Variants in ZNF317 observed in about 807,000 individuals in gnomAD.
ZNF317 encodes the protein KRAB-containing zinc finger protein 317.
In ZNF317, 17 loss-of-function variants were observed where a neutral mutation model predicts 23.4. The observed-to-expected ratio is 0.73, with a 90% CI of 0.50 to 1.09. ZNF317 has a LOEUF of 1.09. Ranked by LOEUF, ZNF317 falls within the 50% of genes least tolerant of loss-of-function variation. The pLI is 0.00. For missense variants in ZNF317, 679 were observed against 796.7 expected (o/e 0.85, Z 1.78); for synonymous variants, 317 against 314.9 (o/e 1.01, Z -0.07).
intron 2 of ZNF317, among the ~76,000 whole-genome samples, 157 bp downstream of exon 2, chr19:9,156,198 CTG>C (rs3029654): frequency 0.24 from 36,603 of 151,734 alleles, 4,860 homozygotes; most frequent in African/African-American, 0.37. Context: ...ACCCCAGTGA[CTG>C]TGTCTGCTGA....
intron 5 of ZNF317, 28 bp from the exon 6 acceptor site, chr19:9,158,798 C>T: frequency 6.8e-7 from 1 of 1,464,362 alleles, no homozygotes; most frequent in Non-Finnish European, 9.6e-7. Context: ...CCTTTTCCAA[C>T]AATTAATACT....
chr19:9,160,511 C>T lies in ZNF317; in HGVS notation c.866C>T (p.Thr289Ile), dbSNP rs1326357178. 1.2e-6 allele frequency: 2 copies of T among 1,614,066 alleles called. No individual in the cohort carries two copies. The highest frequency in any genetic ancestry group is 1.3e-5 in the African/African-American group (1 of 74,926). The change falls in exon 7 of 7, where the codon ACC becomes ATC. Residue 289 changes from threonine to isoleucine, a missense_variant. Coordinates refer to ENST00000247956, the MANE Select transcript of ZNF317 (RefSeq NM_020933.5). The surrounding 1 kb of genome is among the most constrained non-coding windows in gnomAD (Gnocchi z 6.8). Reference protein sequence around the residue: ...DCSQCGNAFRTLSALKIHMRV... With the variant: ...DCSQCGNAFRILSALKIHMRV... ...AGTCAGTGTGGAAATGCATTCCGGA[C>T]CCTCTCGGCCCTGAAAATCCACATG... is the stretch of plus-strand genomic sequence containing the variant.
At chr19:9,159,282 C>T (rs768615145) in intron 6 of ZNF317, among the ~76,000 whole-genome samples, 1 of 152,138 alleles carries the variant, frequency 6.6e-6, no homozygotes, top group Non-Finnish European at 1.5e-5. Context: ...CATCTTGGCT[C>T]ACTGCAACCT....
In ZNF317 at chr19:9,160,953, C is replaced by A; in HGVS notation, c.1308C>A (p.His436Gln). 1 of 1,614,226 alleles carries A rather than the reference C, an allele frequency of 6.2e-7. No individual in the cohort carries two copies. Among genetic ancestry groups the A allele is most frequent in the Non-Finnish European group, 8.5e-7 (1 of 1,180,040 alleles). Residue 436 changes from histidine (H) to glutamine (Q), a missense_variant, in exon 7 of 7, where the codon CAC (histidine) becomes CAA (glutamine). His to Gln is a conservative substitution (Grantham distance 24). Coordinates refer to ENST00000247956, the MANE Select transcript of ZNF317 (RefSeq NM_020933.5). This position sits in a 1 kb window ranked among gnomAD's most constrained non-coding sequence, Gnocchi z 6.8. ...TFRNQSILKTHMNSHTGEKPY... is the reference protein window; with the variant it reads ...TFRNQSILKTQMNSHTGEKPY... ...GAAACCAGTCCATCCTTAAGACTCA[C>A]ATGAACTCTCACACTGGAGAGAAAC...
rs1330588301 is a variant in ZNF317 at position 9,148,838 on chromosome 19, C to T, written c.-92-7087C>T. Among the ~76,000 whole-genome samples the T allele has an allele frequency of 3.3e-5, 5 of 152,120 alleles. No homozygotes were observed. In the East Asian group the frequency reaches 7.7e-4, roughly 23 times the overall value. ...TGTTCTGTGTCCTGTCCTACATTTC[C>T]CAGGATCCTTGGAGCTGGCAGGGGC... On this transcript the variant is annotated intron_variant, in intron 1 of 6. Coordinates refer to ENST00000247956, the MANE Select transcript of ZNF317 (RefSeq NM_020933.5).
intron 1 of ZNF317, among the ~76,000 whole-genome samples, chr19:9,150,034 C>G (rs117283901): frequency 6.6e-6 from 1 of 152,120 alleles, no homozygotes; most frequent in Non-Finnish European, 1.5e-5. Context: ...AAGGTGATGA[C>G]GAGCAAGGCT....
chr19:9,156,643 G>T lies in ZNF317; in HGVS notation c.57G>T (p.Gln19His), dbSNP rs3752199. The T allele has an allele frequency of 0.18, 291,426 of 1,613,908 alleles. 28,053 individuals are homozygous for T. Among genetic ancestry groups the T allele is most frequent in the Non-Finnish European group, 0.2 (230,106 of 1,179,940 alleles). Reference sequence around the variant, plus strand: ...CCACCCAGGATTCCACCTGTCTCCAGGACTCAGAATTTCCTGTTTCTTCAA... The same window carrying T: ...CCACCCAGGATTCCACCTGTCTCCATGACTCAGAATTTCCTGTTTCTTCAA... Reference protein sequence around the residue: ...ATSTQDSTCLQDSEFPVSSKD... With the variant: ...ATSTQDSTCLHDSEFPVSSKD... Residue 19 changes from glutamine (Q) to histidine (H), a missense_variant, in exon 3 of 7, where the codon CAG becomes CAT. By Grantham distance (24) the Gln-to-His change is conservative. Transcript: ENST00000247956.
Position 9,156,750 on chromosome 19 carries a change from T to G in ZNF317, c.162+2T>G. ...CACACACCCAGTGTTGGTTCCCAGG[T>G]GCACTAAGATCTCTGGGTCCCTAGA... On this transcript the variant is annotated splice_donor_variant, in intron 3 of 6. Coordinates refer to ENST00000247956, the MANE Select transcript of ZNF317 (RefSeq NM_020933.5). LOFTEE classifies it high-confidence loss of function. 2 of 1,613,366 alleles carry G rather than the reference T, an allele frequency of 1.2e-6. No individual in the cohort carries two copies. The highest frequency in any genetic ancestry group is 1.7e-6 in the Non-Finnish European group (2 of 1,179,658).
At position 9,161,431 on chromosome 19, in the gene ZNF317, T is replaced by G; in HGVS notation, c.1786T>G (p.Ter596GlyextTer5). ...GTCATCCGTGTGGAAAAGGCTCCAG[T>G]GAGCGCGCCTGCTTTAGAGACACAG... is the stretch of plus-strand genomic sequence containing the variant. ...FVSSVWKRLQ[*>G] The change falls in exon 7 of 7, where the codon TGA (stop) becomes GGA (glycine). Residue 596 changes from the stop codon to glycine (G), a stop_lost. Transcript: ENST00000247956. The surrounding 1 kb of genome is among the most constrained non-coding windows in gnomAD (Gnocchi z 4.0). 2 of 1,607,816 alleles carry G rather than the reference T, an allele frequency of 1.2e-6. No individual in the cohort carries two copies. Among genetic ancestry groups the G allele is most frequent in the Non-Finnish European group, 1.7e-6 (2 of 1,175,830 alleles).
chr19:9,158,167 G>A (rs2050806779), intron 5 of ZNF317, 92 bp downstream of exon 5: 1 of 1,408,892 alleles, frequency 7.1e-7, no homozygotes, highest in African/African-American at 1.4e-5. Flanking sequence ...TGTCACCCAG[G>A]GAAATTGAGA....
At position 9,140,444 on chromosome 19, in the gene ZNF317, A is replaced by G. The variant is rs770694770; in HGVS notation, c.-241A>G. ...TCTGGAGTCGATTGCCCCGAGACAC[A>G]TGGGCCAAGGAGGGGTCAGCGGCGA... On this transcript the variant is annotated 5_prime_UTR_variant, in exon 1 of 7. The change abolishes an upstream ATG in the 5' untranslated region. Coordinates refer to ENST00000247956, the MANE Select transcript of ZNF317 (RefSeq NM_020933.5). The G allele has an allele frequency of 4.6e-5, 21 of 452,642 alleles. No homozygotes were observed. The highest frequency in any genetic ancestry group is 1.4e-4 in the Admixed American group (6 of 41,788). 28.0% of individuals were successfully genotyped at this position (452,642 alleles called of 1,614,324 possible). A position where few individuals can be genotyped will look rare whatever the true frequency, so the allele number is the denominator to read the frequency against.
chr19:9,144,262 C>T (rs2145939218), intron 1 of ZNF317, among the ~76,000 whole-genome samples: 1 of 152,258 alleles, frequency 6.6e-6, no homozygotes, highest in South Asian at 2.1e-4. Flanking sequence ...CTTGGCCTCC[C>T]AAAGCATTGG....
intron 1 of ZNF317, among the ~76,000 whole-genome samples, chr19:9,147,599 A>T (rs1333239187): frequency 6.6e-6 from 1 of 151,642 alleles, no homozygotes; most frequent in East Asian, 1.9e-4. Context: ...AGCCTCCCAA[A>T]GTGCTGGGAT....
intron 1 of ZNF317, 28 bp from the exon 2 acceptor site, chr19:9,155,897 A>G: frequency 7.9e-7 from 1 of 1,262,738 alleles, no homozygotes; most frequent in Non-Finnish European, 1.2e-6. Context: ...GCCTTTCACT[A>G]CTCCCGATGT....
intron 1 of ZNF317, among the ~76,000 whole-genome samples, chr19:9,153,712 C>T (rs2050756711): frequency 6.6e-6 from 1 of 152,088 alleles, no homozygotes; most frequent in African/African-American, 2.4e-5. Context: ...AGGGAAAGAA[C>T]CAGGAGACAG....
At chr19:9,150,253 T>C (rs544212831) in intron 1 of ZNF317, among the ~76,000 whole-genome samples, 14 of 152,292 alleles carry the variant, frequency 9.2e-5, no homozygotes, top group African/African-American at 3.1e-4. Context: ...ACAATTCTGT[T>C]AAGTAATTGT....
At chr19:9,159,358 G>A (rs1284171317) in intron 6 of ZNF317, among the ~76,000 whole-genome samples, 1 of 152,054 alleles carries the variant, frequency 6.6e-6, no homozygotes, top group Non-Finnish European at 1.5e-5. Flanking sequence ...ATAGGCGTGT[G>A]CCACCACACT....
chr19:9,162,963 A>T lies in ZNF317; in HGVS notation c.*1530A>T, dbSNP rs1046005984. ...AGATACTTCTAGTGACTTCCCCGGT[A>T]TCCACTCTCATCTTCTTCCAATATC... On this transcript the variant is annotated 3_prime_UTR_variant, in exon 7 of 7. Transcript: ENST00000247956. The T allele has an allele frequency of 2.6e-5, 4 of 152,178 alleles. No individual in the cohort carries two copies. The highest frequency in any genetic ancestry group is 2.0e-4 in the Admixed American group (3 of 15,274). 9.4% of individuals were successfully genotyped at this position (152,178 alleles called of 1,614,324 possible). A position where few individuals can be genotyped will look rare whatever the true frequency, so the allele number is the denominator to read the frequency against.
chr19:9,158,537 C>T (rs1213824359), intron 5 of ZNF317, among the ~76,000 whole-genome samples: 2 of 151,772 alleles, frequency 1.3e-5, no homozygotes, highest in Non-Finnish European at 2.9e-5. Flanking sequence ...ATGGGTTTCA[C>T]CATGTTGTCC....
Sources: gnomAD v4.1 joint callset for allele counts (sites outside exome capture counted in the v4.1 genomes callset) on GRCh38, gnomAD v4.1.1 for gene constraint, Gnocchi (gnomAD v3.1) non-coding constraint, MANE v1.5 for transcripts, NCBI Gene and HGNC (gene_info 2026-07-23, HGNC 2026-07-21) for gene names.